MAST4: variants seen among roughly 807,000 people sequenced by gnomAD.
MAST4 encodes the protein microtubule-associated serine/threonine-protein kinase 4.
A neutral mutation model predicts 162.7 loss-of-function variants in MAST4; 89 were observed. The observed-to-expected ratio is 0.55, with a 90% CI of 0.46 to 0.65. MAST4 has a LOEUF of 0.65. MAST4 is among the 30% of genes least tolerant of loss of function. MAST4 has a pLI of 0.00. For missense variants in MAST4, 3,153 were observed against 3,374.0 expected (o/e 0.93, Z 1.62); for synonymous variants, 1,479 against 1,361.1 (o/e 1.09, Z -1.91).
At chr5:66,950,467 C>G (rs1458961524) in intron 4 of MAST4, among the ~76,000 whole-genome samples, 1 of 152,086 alleles carries the variant, frequency 6.6e-6, no homozygotes, top group Admixed American at 6.6e-5. Flanking sequence ...TCCACTTTGT[C>G]TCTATGAATT....
intron 1 of MAST4, among the ~76,000 whole-genome samples, chr5:66,641,644 T>C (rs774404040): frequency 6.6e-6 from 1 of 152,120 alleles, no homozygotes; most frequent in Non-Finnish European, 1.5e-5. Context: ...AAAATATAAA[T>C]GATGAATCAG....
chr5:66,646,877 A>G (rs149231199), intron 1 of MAST4, among the ~76,000 whole-genome samples: 1 of 152,348 alleles, frequency 6.6e-6, no homozygotes, highest in Non-Finnish European at 1.5e-5. Context: ...ATGCTGGGCT[A>G]TATAACTTTA....
chr5:66,756,311 T>C (rs932982428), intron 1 of MAST4, among the ~76,000 whole-genome samples: 2 of 152,216 alleles, frequency 1.3e-5, no homozygotes, highest in East Asian at 3.8e-4. Context: ...GACATATTGC[T>C]GTTTCAATGC....
chr5:67,065,203 A>G (rs1308016833), intron 5 of MAST4, among the ~76,000 whole-genome samples: 1 of 152,076 alleles, frequency 6.6e-6, no homozygotes, highest in Non-Finnish European at 1.5e-5. Flanking sequence ...ATGATCAGTG[A>G]CCACCTAGAA....
chr5:66,605,044 C>A (rs559140738), intron 1 of MAST4, among the ~76,000 whole-genome samples: 1 of 152,322 alleles, frequency 6.6e-6, no homozygotes, highest in Admixed American at 6.5e-5. Context: ...TATAAAAGTT[C>A]AACAACTAAT....
chr5:67,085,055 A>G (rs1237449858), intron 5 of MAST4, among the ~76,000 whole-genome samples: 2 of 152,210 alleles, frequency 1.3e-5, no homozygotes, highest in Admixed American at 6.5e-5. Flanking sequence ...TGGAGCTTCC[A>G]TAAGTAAAAA....
chr5:66,788,893 A>G (rs1017223016), intron 3 of MAST4, 99 bp downstream of exon 3: 3 of 1,354,504 alleles, frequency 2.2e-6, no homozygotes, highest in Non-Finnish European at 2.9e-6. Flanking sequence ...ACTTACCCAC[A>G]TGTGACGTTA....
Position 66,797,944 on chromosome 5 carries a change from T to A in MAST4, c.642+9150T>A, listed in dbSNP as rs1755730826. Among the ~76,000 whole-genome samples the A allele has an allele frequency of 6.6e-5, 10 of 152,326 alleles. No individual in the cohort carries two copies. The South Asian group carries it at 2.1e-3, about 32-fold the overall frequency. ...CTCAGAGGCTCATGTGTATCAGTGA[T>A]GATGAAATGAGTTCTGACTTAATCT... is the stretch of plus-strand genomic sequence containing the variant. On this transcript the variant is annotated intron_variant, in intron 3 of 28. Transcript: ENST00000403625.
chr5:67,133,402 T>G, intron 16 of MAST4, 112 bp from the exon 17 acceptor site: 1 of 1,195,474 alleles, frequency 8.4e-7, no homozygotes, highest in Non-Finnish European at 1.2e-6. Flanking sequence ...TGTAATAAGC[T>G]TGATGCCCAT....
chr5:67,163,673 G>T lies in MAST4; in HGVS notation c.4494G>T (p.Pro1498=). The part of the protein sequence containing the change: ...SLDENVCDVP[P]LSRARPVEQG... The stretch of plus-strand genomic sequence containing the variant: ...ATGAGAACGTGTGCGACGTGCCGCC[G>T]CTCAGCCGCGCCCGGCCAGTGGAGC... The change falls in exon 29 of 29, where the codon CCG becomes CCT. Residue 1498 remains proline (P), a synonymous_variant. Transcript: ENST00000403625. This position sits in a 1 kb window ranked among gnomAD's most constrained non-coding sequence, Gnocchi z 7.0. The T allele has an allele frequency of 6.2e-7, 1 of 1,608,172 alleles. No homozygotes were observed. Among genetic ancestry groups the T allele is most frequent in the South Asian group, 1.1e-5 (1 of 90,260 alleles).
rs34060789 is a variant in MAST4 at position 66,839,119 on chromosome 5, T to C, written c.642+50325T>C. Among the ~76,000 whole-genome samples, 1,149 of 152,248 alleles carry C rather than the reference T, an allele frequency of 7.5e-3. 9 individuals are homozygous for C. Among genetic ancestry groups the C allele is most frequent in the South Asian group, 0.037 (179 of 4,826 alleles). ...GTAGAATTAACAGGACATGGTGACC[T>C]GTTGATGGTTGGCAAAAGAGAGATG... is the stretch of plus-strand genomic sequence containing the variant. On this transcript the variant is annotated intron_variant, in intron 3 of 28. Coordinates refer to ENST00000403625, the MANE Select transcript of MAST4 (RefSeq NM_001164664.2).
chr5:67,019,099 C>A (rs1347442769), intron 4 of MAST4, among the ~76,000 whole-genome samples: 1 of 152,148 alleles, frequency 6.6e-6, no homozygotes, highest in Non-Finnish European at 1.5e-5. Context: ...TAATAAGATT[C>A]TTTTAAATGC....
chr5:66,860,400 C>G (rs1191578219), intron 3 of MAST4, among the ~76,000 whole-genome samples: 2 of 152,094 alleles, frequency 1.3e-5, no homozygotes, highest in African/African-American at 4.8e-5. Context: ...AAAATGCTAT[C>G]CTGGCATTTT....
chr5:66,665,347 A>ATGGCTGGGATCCAG (rs1747184144), intron 1 of MAST4, among the ~76,000 whole-genome samples: 1 of 152,156 alleles, frequency 6.6e-6, no homozygotes. Flanking sequence ...GCGGCTAACA[A>ATGGCTGGGATCCAG]TGGCTGGGAT....
chr5:66,945,600 G>A (rs553982219), intron 4 of MAST4, among the ~76,000 whole-genome samples: 6 of 152,200 alleles, frequency 3.9e-5, no homozygotes, highest in South Asian at 4.1e-4. Context: ...AAGGAGAAGC[G>A]CATGCCGTGC....
chr5:67,127,876 A>G (rs1410771707), intron 14 of MAST4, among the ~76,000 whole-genome samples: 1 of 152,234 alleles, frequency 6.6e-6, no homozygotes, highest in Non-Finnish European at 1.5e-5. Context: ...TATTTTAAAC[A>G]TTTCAATTTA....
At chr5:66,637,560 A>G (rs949511909) in intron 1 of MAST4, among the ~76,000 whole-genome samples, 4 of 152,030 alleles carry the variant, frequency 2.6e-5, no homozygotes, top group African/African-American at 9.7e-5. Flanking sequence ...TTTTTAGAGT[A>G]TTGATGTATT....
At chr5:67,092,803 TG>T (rs984083733) in intron 6 of MAST4, among the ~76,000 whole-genome samples, 2 of 152,130 alleles carry the variant, frequency 1.3e-5, no homozygotes, top group Non-Finnish European at 2.9e-5. Context: ...TGTTGAGTAC[TG>T]GGCTGGAAGT....
At chr5:67,002,890 G>A (rs1250987560) in intron 4 of MAST4, among the ~76,000 whole-genome samples, 1 of 150,992 alleles carries the variant, frequency 6.6e-6, no homozygotes, top group Non-Finnish European at 1.5e-5. Context: ...AACCAGGGGT[G>A]ATTTTACCTC....
Sources: gnomAD v4.1 joint callset for allele counts (sites outside exome capture counted in the v4.1 genomes callset) on GRCh38, gnomAD v4.1.1 for gene constraint, Gnocchi (gnomAD v3.1) non-coding constraint, MANE v1.5 for transcripts, NCBI Gene and HGNC (gene_info 2026-07-23, HGNC 2026-07-21) for gene names.